The following CCDC12 variants were observed in gnomAD, a reference collection of about 807,000 sequenced individuals.
The protein encoded by CCDC12 is coiled-coil domain containing 12, also known as coiled-coil domain-containing protein 12.
In CCDC12, 28 loss-of-function variants were observed where a neutral mutation model predicts 25.7. That is an observed-to-expected ratio of 1.09 (90% confidence interval 0.81 to 1.50). The LOEUF (loss-of-function observed/expected upper bound fraction) is 1.50, where lower values mean the gene tolerates loss of function less well. CCDC12 is among the 40% of genes most tolerant of loss of function. The probability of loss-of-function intolerance (pLI) is 0.00; values close to 1 mark genes in which losing one functional copy is unlikely to be tolerated. For missense variants in CCDC12, 198 were observed against 210.0 expected, an observed-to-expected ratio of 0.94 and a Z score of 0.35; for synonymous variants, 75 against 87.7, an observed-to-expected ratio of 0.86 and a Z score of 0.81.
chr3:46,924,544 C>CA (rs1559547173), intron 3 of CCDC12, among the ~76,000 whole-genome samples: 1 of 152,130 alleles, frequency 6.6e-6, no homozygotes, highest in African/African-American at 2.4e-5. Context: ...TTATGCAATT[C>CA]AAAAAAAGTT....
intron 1 of CCDC12, among the ~76,000 whole-genome samples, chr3:46,951,798 A>AAAAAAAAAAC: frequency 1.2e-4 from 1 of 8,476 alleles, no homozygotes; most frequent in Non-Finnish European, 2.8e-4. Flanking sequence ...AAAAAAAAAA[A>AAAAAAAAAAC]ATATATATAT....
At chr3:46,923,449 G>C in intron 4 of CCDC12, 86 bp from the exon 5 acceptor site, 1 of 1,535,032 alleles carries the variant, frequency 6.5e-7, no homozygotes, top group Non-Finnish European at 8.9e-7. Flanking sequence ...GGAAATGGGA[G>C]AAAGAGGAGG....
upstream of CCDC12, chr3:46,976,786 G>T: frequency 6.4e-7 from 1 of 1,558,636 alleles, no homozygotes; most frequent in Non-Finnish European, 8.7e-7. Flanking sequence ...CAGGCCTAAG[G>T]AGAGTGGATA....
intron 1 of CCDC12, among the ~76,000 whole-genome samples, chr3:46,964,802 A>T (rs1379268931): frequency 6.6e-6 from 1 of 152,144 alleles, no homozygotes; most frequent in Non-Finnish European, 1.5e-5. Context: ...GTACCCAGGG[A>T]CACAAACACT....
intron 1 of CCDC12, among the ~76,000 whole-genome samples, chr3:46,952,455 C>T (rs374459063): frequency 1.1e-4 from 16 of 152,332 alleles, no homozygotes; most frequent in African/African-American, 3.6e-4. Context: ...TTCTACCACA[C>T]ATGCTGCTTG....
intron 1 of CCDC12, among the ~76,000 whole-genome samples, chr3:46,951,947 T>C (rs1488865838): frequency 6.7e-6 from 1 of 150,018 alleles, no homozygotes; most frequent in Non-Finnish European, 1.5e-5. Flanking sequence ...AATCCTTAAT[T>C]CTGACCCCAC....
At chr3:46,964,148 CCGTCTG>C in intron 1 of CCDC12, among the ~76,000 whole-genome samples, 1 of 151,486 alleles carries the variant, frequency 6.6e-6, no homozygotes, top group Non-Finnish European at 1.5e-5. Context: ...CCCGGCCGCC[CCGTCTG>C]AGAAGTGAGG....
intron 2 of CCDC12, among the ~76,000 whole-genome samples, chr3:46,939,290 T>G (rs997031298): frequency 6.6e-6 from 1 of 152,080 alleles, no homozygotes; most frequent in African/African-American, 2.4e-5. Flanking sequence ...GGTTCAACAT[T>G]CAAGCCTCTT....
At chr3:46,936,439 C>T (rs1017000349) in intron 2 of CCDC12, among the ~76,000 whole-genome samples, 1 of 152,154 alleles carries the variant, frequency 6.6e-6, no homozygotes, top group Admixed American at 6.5e-5. Flanking sequence ...GCCCAGAGCC[C>T]CAGCACTAGC....
intron 1 of CCDC12, among the ~76,000 whole-genome samples, chr3:46,974,923 CCA>C (rs1447011480): frequency 1.3e-5 from 2 of 152,184 alleles, no homozygotes; most frequent in African/African-American, 4.8e-5. Context: ...CTGTCATTCC[CCA>C]CTGGAGACAT....
At chr3:46,951,779 C>CAAAAAAAAAAAAAAAAAAA (rs1198903085) in intron 1 of CCDC12, among the ~76,000 whole-genome samples, 1 of 13,660 alleles carries the variant, frequency 7.3e-5, no homozygotes, top group Non-Finnish European at 1.1e-4. Flanking sequence ...GACTCCGTCT[C>CAAAAAAAAAAAAAAAAAAA]AAAAAAAAAA....
intron 1 of CCDC12, 80 bp downstream of exon 1, chr3:46,976,557 A>T: frequency 6.6e-7 from 1 of 1,524,680 alleles, no homozygotes; most frequent in Non-Finnish European, 8.8e-7. Context: ...TTTCCTTATT[A>T]GCCCTTTGCT....
chr3:46,923,353 T>C lies in CCDC12; in HGVS notation c.317A>G (p.Asn106Ser), dbSNP rs766022242. The C allele has an allele frequency of 5.4e-6, 8 of 1,485,596 alleles. No homozygotes were observed. The highest frequency in any genetic ancestry group is 6.3e-6 in the Non-Finnish European group (7 of 1,115,362). 92.0% of individuals were successfully genotyped at this position (1,485,596 alleles called of 1,614,324 possible). The change falls in exon 5 of 7, where the codon AAC becomes AGC. Residue 106 changes from asparagine (N) to serine (S), a missense_variant. By Grantham distance (46) the Asn-to-Ser change is conservative. Transcript: ENST00000683445. ...EPVIEEVDLANLAPRKPDWDL... is the reference protein window; with the variant it reads ...EPVIEEVDLASLAPRKPDWDL... ...CCAGTCAGGCTTCCGAGGAGCGAGGTTGGCCAGGTCCTGGGAAGGGAGGAG... is the reference window on the plus strand; with the variant it reads ...CCAGTCAGGCTTCCGAGGAGCGAGGCTGGCCAGGTCCTGGGAAGGGAGGAG...
At chr3:46,981,938 G>A (rs2035378275) in exon 1 of CCDC12, 1 of 152,318 alleles carries the variant, frequency 6.6e-6, no homozygotes, top group African/African-American at 2.4e-5. Flanking sequence ...TCACCTCGCA[G>A]GGCAGGTATG....
intron 1 of CCDC12, among the ~76,000 whole-genome samples, chr3:46,970,111 G>A (rs575626066): frequency 6.6e-6 from 1 of 151,932 alleles, no homozygotes; most frequent in East Asian, 1.9e-4. Flanking sequence ...TTGTCATATT[G>A]CCCAGGCTGG....
At chr3:46,932,392 A>G (rs1370364195) in intron 2 of CCDC12, among the ~76,000 whole-genome samples, 1 of 152,118 alleles carries the variant, frequency 6.6e-6, no homozygotes, top group East Asian at 1.9e-4. Context: ...TCTTTAGAAC[A>G]CTCAATGGCT....
At chr3:46,923,860 G>A (rs930279047) in intron 3 of CCDC12, 192 bp from the exon 4 acceptor site, 1 of 424,986 alleles carries the variant, frequency 2.4e-6, no homozygotes. Flanking sequence ...GGTTTCCCAG[G>A]ATGAAGCATT....
chr3:46,939,682 T>C (rs2033615481), intron 2 of CCDC12, among the ~76,000 whole-genome samples: 1 of 152,086 alleles, frequency 6.6e-6, no homozygotes, highest in African/African-American at 2.4e-5. Flanking sequence ...CTGTTTAGCA[T>C]CACCAGCCTC....
At chr3:46,928,882 C>T (rs1465878732) in intron 2 of CCDC12, among the ~76,000 whole-genome samples, 2 of 152,064 alleles carry the variant, frequency 1.3e-5, no homozygotes, top group African/African-American at 2.4e-5. Context: ...ATCCCAGCTA[C>T]TTCGGAGGCT....
Sources: allele counts gnomAD v4.1 joint callset (sites outside exome capture counted in the v4.1 genomes callset), GRCh38; gene constraint gnomAD v4.1.1; transcripts MANE v1.5; gene names NCBI Gene and HGNC (gene_info 2026-07-23, HGNC 2026-07-21).